RNF216: variants seen among roughly 807,000 people sequenced by gnomAD.
RNF216 encodes E3 ubiquitin-protein ligase RNF216.
A neutral mutation model predicts 110.8 loss-of-function variants in RNF216; 72 were observed. The observed-to-expected ratio is 0.65, with a 90% CI of 0.54 to 0.79. The LOEUF is 0.79. RNF216 is among the 30% of genes least tolerant of loss of function. RNF216 has a pLI of 0.00. For missense variants in RNF216, 1,342 were observed against 1,141.2 expected (o/e 1.18, Z -2.54); for synonymous variants, 495 against 407.5 (o/e 1.21, Z -2.59).
intron 1 of RNF216, among the ~76,000 whole-genome samples, chr7:5,763,151 G>T (rs967460873): frequency 2.8e-4 from 42 of 152,112 alleles, no homozygotes; most frequent in Non-Finnish European, 7.4e-5. Context: ...TATGGAAGGA[G>T]AAAAGGTGGG....
chr7:5,776,880 GAC>G (rs1796809746), intron 1 of RNF216, among the ~76,000 whole-genome samples: 1 of 113,820 alleles, frequency 8.8e-6, no homozygotes, highest in African/African-American at 3.3e-5. Context: ...CAGCCTGTGC[GAC>G]AGAGGGAGAC....
At chr7:5,756,061 G>C (rs1584583451) in intron 2 of RNF216, among the ~76,000 whole-genome samples, 2 of 152,256 alleles carry the variant, frequency 1.3e-5, no homozygotes, top group East Asian at 1.9e-4. Context: ...GAGCGGGACA[G>C]GTGGAGGTAA....
rs549872596 is a variant in RNF216, at chr7:5,731,033, A to G, written c.1122-216T>C. Among the ~76,000 whole-genome samples the G allele has an allele frequency of 9.8e-5, 15 of 152,364 alleles. No individual in the cohort carries two copies. In the South Asian group the frequency reaches 3.1e-3, roughly 32 times the overall value. On this transcript the variant is annotated intron_variant, in intron 5 of 16. Transcript: ENST00000389902. The stretch of plus-strand genomic sequence containing the variant: ...GAAAGACAAAAAAATTTAAAAAGCA[A>G]TGAACATACTGATTAAGGCAAACTC...
intron 15 of RNF216, among the ~76,000 whole-genome samples, chr7:5,638,011 T>C (rs1332884752): frequency 1.3e-5 from 2 of 152,160 alleles, no homozygotes; most frequent in East Asian, 3.9e-4. Context: ...CTGTAGTGGC[T>C]GCGCAGCAGC....
At chr7:5,633,826 G>A (rs1163096163) in intron 15 of RNF216, among the ~76,000 whole-genome samples, 2 of 152,118 alleles carry the variant, frequency 1.3e-5, no homozygotes, top group African/African-American at 2.4e-5. Context: ...CTTGAAGACG[G>A]CAAGTGAGGT....
intron 1 of RNF216, among the ~76,000 whole-genome samples, chr7:5,768,763 G>A (rs955907990): frequency 3.3e-5 from 5 of 150,688 alleles, no homozygotes; most frequent in Non-Finnish European, 5.9e-5. Context: ...CCGGGTTTAC[G>A]CCATTCTCCT....
At chr7:5,677,224 C>T (rs745961646) in intron 13 of RNF216, among the ~76,000 whole-genome samples, 6 of 152,220 alleles carry the variant, frequency 3.9e-5, no homozygotes, top group Admixed American at 6.5e-5. Context: ...CTGCTCAGCA[C>T]GTGCTTCTGC....
intron 14 of RNF216, among the ~76,000 whole-genome samples, chr7:5,646,669 G>T (rs570617958): frequency 1.3e-5 from 2 of 151,566 alleles, no homozygotes; most frequent in African/African-American, 4.9e-5. Flanking sequence ...CTCCAGCCTG[G>T]CGACAGAGCG....
chr7:5,750,517 C>T (rs1795273986), intron 3 of RNF216, among the ~76,000 whole-genome samples: 1 of 152,206 alleles, frequency 6.6e-6, no homozygotes, highest in South Asian at 2.1e-4. Context: ...TAGATTGCAG[C>T]ACTGTTCACT....
chr7:5,705,037 A>T (rs1031441740), intron 13 of RNF216, among the ~76,000 whole-genome samples: 1 of 152,236 alleles, frequency 6.6e-6, no homozygotes, highest in African/African-American at 2.4e-5. Flanking sequence ...AGCATGGCCC[A>T]GCATTTCTAA....
chr7:5,738,649 A>C (rs940839720), intron 5 of RNF216, among the ~76,000 whole-genome samples: 10 of 137,964 alleles, frequency 7.2e-5, no homozygotes, highest in Non-Finnish European at 1.5e-4. Context: ...CGGAGCTTGC[A>C]GTGAGCCGAG....
intron 15 of RNF216, among the ~76,000 whole-genome samples, chr7:5,628,230 C>T (rs1456810379): frequency 6.6e-6 from 1 of 152,122 alleles, no homozygotes; most frequent in East Asian, 1.9e-4. Context: ...ACCATTTGCC[C>T]TTGAGTCCTG....
chr7:5,686,480 A>T lies in RNF216; in HGVS notation c.2061+25281T>A, dbSNP rs934085653. 2.6e-5 allele frequency among the ~76,000 whole-genome samples: 4 copies of T among 152,272 alleles called. No homozygotes were observed. The South Asian group carries it at 8.3e-4, about 32-fold the overall frequency. ...GTGGTGGCTTAAGAGTCTGAATGTT[A>T]TCTGTTCTCTGGTTAAGTGCTGCTT... is the stretch of plus-strand genomic sequence containing the variant. On this transcript the variant is annotated intron_variant, in intron 13 of 16. Transcript: ENST00000389902.
intron 14 of RNF216, 139 bp from the exon 15 acceptor site, chr7:5,641,515 G>T: frequency 1.4e-6 from 1 of 705,422 alleles, no homozygotes; most frequent in Non-Finnish European, 2.3e-6. Flanking sequence ...AAGAGCCTAG[G>T]TTTTGGAGTC....
At chr7:5,698,416 T>C (rs852259) in intron 13 of RNF216, among the ~76,000 whole-genome samples, 5,188 of 74,582 alleles carry the variant, frequency 0.07, 99 homozygotes, top group East Asian at 0.19. Flanking sequence ...CACACACACA[T>C]ACACACACAC....
intron 13 of RNF216, among the ~76,000 whole-genome samples, chr7:5,660,365 C>T (rs559027239): frequency 2.9e-4 from 39 of 134,086 alleles, no homozygotes; most frequent in Middle Eastern, 4.1e-3. Flanking sequence ...AATCTCGGCT[C>T]ACTGCAAGCT....
At chr7:5,675,232 T>A (rs1790204721) in intron 13 of RNF216, among the ~76,000 whole-genome samples, 3 of 152,188 alleles carry the variant, frequency 2.0e-5, no homozygotes, top group Admixed American at 2.0e-4. Context: ...TTCACAGACA[T>A]CACCTCATTC....
Position 5,696,869 on chromosome 7 carries a change from T to G in RNF216, c.2061+14892A>C, listed in dbSNP as rs531086671. On this transcript the variant is annotated intron_variant, in intron 13 of 16. Coordinates refer to ENST00000389902, the MANE Select transcript of RNF216 (RefSeq NM_207111.4). This position sits in a 1 kb window ranked among gnomAD's most constrained non-coding sequence, Gnocchi z 5.4. ...GACTACATTGGCAAGGTGTTCCAAT[T>G]CCCTTGATATTCTATATCTGATCTC... Among the ~76,000 whole-genome samples, 1 of 152,072 alleles carries G rather than the reference T, an allele frequency of 6.6e-6. No individual in the cohort carries two copies. Among genetic ancestry groups the G allele is most frequent in the Admixed American group, 6.5e-5 (1 of 15,284 alleles).
chr7:5,695,379 C>T (rs1413084361), intron 13 of RNF216, among the ~76,000 whole-genome samples: 2 of 152,162 alleles, frequency 1.3e-5, no homozygotes, highest in African/African-American at 4.8e-5. Flanking sequence ...CTCACACTCC[C>T]CAGTCTGAGG....
Sources: allele counts gnomAD v4.1 joint callset (sites outside exome capture counted in the v4.1 genomes callset), GRCh38; gene constraint gnomAD v4.1.1; non-coding constraint Gnocchi (gnomAD v3.1); transcripts MANE v1.5; gene names NCBI Gene and HGNC (gene_info 2026-07-23, HGNC 2026-07-21).